The following FABP9 variants were observed in gnomAD, a reference collection of about 807,000 sequenced individuals.
FABP9 encodes fatty acid binding protein 9, also known as fatty acid-binding protein 9.
Under a neutral mutation model 14.7 loss-of-function variants are expected in FABP9, and 11 were observed. The observed-to-expected ratio is 0.75, with a 90% CI of 0.47 to 1.24. The LOEUF (loss-of-function observed/expected upper bound fraction) is 1.24, where lower values mean the gene tolerates loss of function less well. Among genes scored for constraint, FABP9 ranks in the 50% most tolerant of loss-of-function variants. The pLI, the probability that FABP9 is intolerant of heterozygous loss-of-function variation, is 0.00. For synonymous variants in FABP9, 54 were observed against 50.6 expected (o/e 1.07, Z -0.29); for missense variants, 171 against 158.2 (o/e 1.08, Z -0.44).
At chr8:81,461,347 A>AT (rs1807689457) in intron 1 of FABP9, 104 bp downstream of exon 1, 1 of 837,650 alleles carries the variant, frequency 1.2e-6, no homozygotes. Flanking sequence ...ATACCCTAGG[A>AT]TCACAAAAGG....
intron 2 of FABP9, 149 bp downstream of exon 2, chr8:81,459,016 A>C (rs1807644163): frequency 1.5e-6 from 1 of 682,498 alleles, no homozygotes; most frequent in Admixed American, 3.2e-5. Context: ...CATCAAAATA[A>C]TTAGCAAAAG....
At chr8:81,460,913 C>T (rs1286689766) in intron 1 of FABP9, among the ~76,000 whole-genome samples, 1 of 152,142 alleles carries the variant, frequency 6.6e-6, no homozygotes, top group African/African-American at 2.4e-5. Flanking sequence ...AGTGGTGAGA[C>T]ATTCAATGAG....
At chr8:81,461,218 C>T (rs115186623) in intron 1 of FABP9, among the ~76,000 whole-genome samples, 2,300 of 152,182 alleles carry the variant, frequency 0.015, 56 homozygotes, top group African/African-American at 0.05. Flanking sequence ...GATAAATGGG[C>T]TTAAATATAT....
chr8:81,458,333 G>A lies in FABP9; in HGVS notation c.*50C>T. On this transcript the variant is annotated 3_prime_UTR_variant, in exon 4 of 4. Transcript: ENST00000379071. Reference sequence around the variant, plus strand: ...CCAGCCCTGAGGCATATCTTCTTCAGGTACCAGTTCCTTGTCAGTGAACAA... The same window carrying A: ...CCAGCCCTGAGGCATATCTTCTTCAAGTACCAGTTCCTTGTCAGTGAACAA... 1.4e-6 allele frequency: 2 copies of A among 1,400,420 alleles called. No individual in the cohort carries two copies. Among genetic ancestry groups the A allele is most frequent in the Non-Finnish European group, 2.0e-6 (2 of 987,892 alleles). The allele number at this position is 1,400,420 out of a possible 1,614,324, so 86.7% of individuals were successfully genotyped here.
Position 81,459,161 on chromosome 8 carries a change from T to A in FABP9, c.246+4A>T. The A allele has an allele frequency of 6.3e-7, 1 of 1,584,476 alleles. No homozygotes were observed. Among genetic ancestry groups the A allele is most frequent in the African/African-American group, 1.4e-5 (1 of 72,256 alleles). ...GTTGAACACCAGGAAGAATTAGTTC[T>A]GACCTTTACTTTCCGGTTGTCTGCT... On this transcript the variant is annotated splice_donor_region_variant and intron_variant, in intron 2 of 3. Coordinates refer to ENST00000379071, the MANE Select transcript of FABP9 (RefSeq NM_001080526.2).
chr8:81,458,308 C>T lies in FABP9; in HGVS notation c.*75G>A. ...ATATTGAGACATTTTTTAAAAATCA[C>T]CAGCCCTGAGGCATATCTTCTTCAG... On this transcript the variant is annotated 3_prime_UTR_variant, in exon 4 of 4. Transcript: ENST00000379071. 1 of 1,116,656 alleles carries T rather than the reference C, an allele frequency of 9.0e-7. No individual in the cohort carries two copies. Among genetic ancestry groups the T allele is most frequent in the Non-Finnish European group, 1.3e-6 (1 of 747,102 alleles). 69.2% of individuals were successfully genotyped at this position (1,116,656 alleles called of 1,614,324 possible).
chr8:81,458,667 C>G lies in FABP9; in HGVS notation c.283G>C (p.Val95Leu), dbSNP rs149666583. Residue 95 changes from valine to leucine, a missense_variant, in exon 3 of 4, where the codon GTC (valine) becomes CTC (leucine). Transcript: ENST00000379071. ...GTCTCTTTGCCAAGCCATTTTTGGA[C>G]GTGAATCATTGAGCCATTCTCTAAT... ...ITLENGSMIH[V>L]QKWLGKETTI... is the part of the protein sequence containing the mutation. 1 of 1,613,712 alleles carries G rather than the reference C, an allele frequency of 6.2e-7. No individual in the cohort carries two copies. Among genetic ancestry groups the G allele is most frequent in the Non-Finnish European group, 8.5e-7 (1 of 1,179,842 alleles).
At chr8:81,458,744 C>A (rs756378794) in intron 2 of FABP9, 41 bp from the exon 3 acceptor site, 1 of 1,314,820 alleles carries the variant, frequency 7.6e-7, no homozygotes, top group Non-Finnish European at 1.1e-6. Context: ...AACTCACTAC[C>A]TTCTAACCTA....
intron 1 of FABP9, among the ~76,000 whole-genome samples, chr8:81,461,235 T>A (rs1001967033): frequency 3.3e-5 from 5 of 152,208 alleles, no homozygotes; most frequent in Non-Finnish European, 5.9e-5. Context: ...ATATGGATCA[T>A]GACTGGACAG....
rs757032498 is a variant in FABP9, at chr8:81,459,314, T to C, written c.97A>G (p.Met33Val). Residue 33 changes from methionine to valine, a missense_variant, in exon 2 of 4, where the codon ATG becomes GTG. Physicochemically the swap from Met to Val is conservative, Grantham distance 21 (BLOSUM62 1). Coordinates refer to ENST00000379071, the MANE Select transcript of FABP9 (RefSeq NM_001080526.2). The stretch of plus-strand genomic sequence containing the variant: ...ACTGTCGGTTTCACTAACCCTGCCA[T>C]GTTCCGGGCTGCGAAATTCACTCCT... ...ELGVNFAARN[M>V]AGLVKPTVTI... The C allele has an allele frequency of 3.3e-6, 5 of 1,535,834 alleles. No homozygotes were observed. In the South Asian group the frequency reaches 3.9e-5, roughly 12 times the overall value.
intron 1 of FABP9, among the ~76,000 whole-genome samples, chr8:81,460,258 C>T (rs548951216): frequency 4.9e-4 from 75 of 152,300 alleles, no homozygotes; most frequent in African/African-American, 1.8e-3. Context: ...CCTTGGCCTC[C>T]CAAAGTGCTG....
At chr8:81,460,530 G>A (rs1807676117) in intron 1 of FABP9, among the ~76,000 whole-genome samples, 1 of 152,170 alleles carries the variant, frequency 6.6e-6, no homozygotes, top group Admixed American at 6.5e-5. Flanking sequence ...ATGACCCTCT[G>A]AGAAAGTGAA....
Position 81,460,220 on chromosome 8 carries a change from G to A in FABP9, c.74-883C>T, listed in dbSNP as rs978606118. Among the ~76,000 whole-genome samples, 7 of 152,236 alleles carry A rather than the reference G, an allele frequency of 4.6e-5. No homozygotes were observed. The East Asian group carries it at 1.2e-3, about 25-fold the overall frequency. Reference sequence around the variant, plus strand: ...TCACCATGTTGGCCAGGCTGATCTCGAACTCCTGACCTCAGGTGATCCACC... The same window carrying A: ...TCACCATGTTGGCCAGGCTGATCTCAAACTCCTGACCTCAGGTGATCCACC... On this transcript the variant is annotated intron_variant, in intron 1 of 3. Coordinates refer to ENST00000379071, the MANE Select transcript of FABP9 (RefSeq NM_001080526.2).
intron 2 of FABP9, 95 bp downstream of exon 2, chr8:81,459,070 A>G (rs1807644802): frequency 8.9e-7 from 1 of 1,125,412 alleles, no homozygotes; most frequent in Non-Finnish European, 1.3e-6. Flanking sequence ...ACAAGCCCAG[A>G]CAGACTTGGT....
rs551853207 is a variant in FABP9, at chr8:81,459,355, C to T, written c.74-18G>A. ...ATTCACTCCTACAAGACAGAGATAG[C>T]CTTGGACCTTATTAAGACATTGTTA... is the stretch of plus-strand genomic sequence containing the variant. On this transcript the variant is annotated intron_variant, in intron 1 of 3. Coordinates refer to ENST00000379071, the MANE Select transcript of FABP9 (RefSeq NM_001080526.2). 2 of 1,491,172 alleles carry T rather than the reference C, an allele frequency of 1.3e-6. No homozygotes were observed. Among genetic ancestry groups the T allele is most frequent in the Admixed American group, 2.8e-5 (1 of 35,890 alleles). 92.4% of individuals were successfully genotyped at this position (1,491,172 alleles called of 1,614,324 possible).
rs779812994 is a variant in FABP9, at chr8:81,458,369, C to T, written c.*14G>A. The T allele has an allele frequency of 1.5e-5, 24 of 1,601,506 alleles. 1 individual carries two copies. The highest frequency in any genetic ancestry group is 1.6e-4 in the Middle Eastern group (1 of 6,068). ...CTTGTCAGTGAACAAGTTTTCATTG[C>T]TGTGGACCTTTCTTCACACCTTTTC... On this transcript the variant is annotated 3_prime_UTR_variant, in exon 4 of 4. Transcript: ENST00000379071.
chr8:81,459,197 C>T lies in FABP9; in HGVS notation c.214G>A (p.Asp72Asn). 1 of 1,591,216 alleles carries T rather than the reference C, an allele frequency of 6.3e-7. No individual in the cohort carries two copies. The highest frequency in any genetic ancestry group is 1.2e-5 in the South Asian group (1 of 86,438). Residue 72 changes from aspartate to asparagine, a missense_variant, in exon 2 of 4, where the codon GAT becomes AAT. Transcript: ENST00000379071. Reference protein sequence around the residue: ...KISFKLGEEFDETTADNRKVK... With the variant: ...KISFKLGEEFNETTADNRKVK... ...TTCCGGTTGTCTGCTGTAGTTTCATCAAATTCTTCCCCCAGCTTGAAGGAG... is the reference window on the plus strand; with the variant it reads ...TTCCGGTTGTCTGCTGTAGTTTCATTAAATTCTTCCCCCAGCTTGAAGGAG...
In FABP9 at chr8:81,458,961, A is replaced by G. The variant is rs1807643040; in HGVS notation, c.246+204T>C. 3.3e-5 allele frequency among the ~76,000 whole-genome samples: 5 copies of G among 152,230 alleles called. No homozygotes were observed. In the South Asian group the frequency reaches 1.0e-3, roughly 32 times the overall value. Reference sequence around the variant, plus strand: ...CTTTCATATGACAAAGAGATAAGAAAAAATGAAATGAAAACAATTTGAATC... The same window carrying G: ...CTTTCATATGACAAAGAGATAAGAAGAAATGAAATGAAAACAATTTGAATC... On this transcript the variant is annotated intron_variant, in intron 2 of 3. Coordinates refer to ENST00000379071, the MANE Select transcript of FABP9 (RefSeq NM_001080526.2).
chr8:81,461,113 T>C (rs1271168776), intron 1 of FABP9, among the ~76,000 whole-genome samples: 1 of 152,204 alleles, frequency 6.6e-6, no homozygotes, highest in Non-Finnish European at 1.5e-5. Flanking sequence ...GTGATTACTG[T>C]CTATAAATTT....
Sources: gnomAD v4.1 joint callset for allele counts (sites outside exome capture counted in the v4.1 genomes callset) on GRCh38, gnomAD v4.1.1 for gene constraint, MANE v1.5 for transcripts, NCBI Gene and HGNC (gene_info 2026-07-23, HGNC 2026-07-21) for gene names.